The following PRRG1 variants were observed in gnomAD, a reference collection of about 807,000 sequenced individuals.
The protein encoded by PRRG1 is proline rich and Gla domain 1.
A neutral mutation model predicts 11.8 loss-of-function variants in PRRG1; 5 were observed. The ratio of observed to expected loss-of-function variants is 0.42; its 90% CI spans 0.22 to 0.89. The LOEUF (loss-of-function observed/expected upper bound fraction) is 0.89. PRRG1 is among the 40% of genes least tolerant of loss of function. The pLI, the probability that PRRG1 is intolerant of heterozygous loss-of-function variation, is 0.28. For synonymous variants in PRRG1, 66 were observed against 60.4 expected, an observed-to-expected ratio of 1.09 and a Z score of -0.43; for missense variants, 155 against 166.1, an observed-to-expected ratio of 0.93 and a Z score of 0.37.
intron 3 of PRRG1, among the ~76,000 whole-genome samples, chrX:37,427,220 T>G (rs1165345935): frequency 2.7e-5 from 3 of 112,244 alleles, no homozygotes; most frequent in African/African-American, 9.7e-5. Context: ...AAGAACTTGT[T>G]TGGGATTTAT....
At chrX:37,427,498 C>A (rs999877367) in intron 3 of PRRG1, among the ~76,000 whole-genome samples, 6 of 111,882 alleles carry the variant, frequency 5.4e-5, no homozygotes, top group Non-Finnish European at 1.1e-4. Context: ...ACCTTCTTAG[C>A]AAAATTTAAG....
chrX:37,406,712 T>G (rs1213702240), intron 2 of PRRG1, among the ~76,000 whole-genome samples: 1 of 111,232 alleles, frequency 9.0e-6, no homozygotes, highest in Non-Finnish European at 1.9e-5. Flanking sequence ...TTTTAAAAAT[T>G]TTAAAGCCCG....
chrX:37,423,915 A>G (rs1932730553), intron 2 of PRRG1, among the ~76,000 whole-genome samples: 1 of 110,843 alleles, frequency 9.0e-6, no homozygotes, highest in Non-Finnish European at 1.9e-5. Context: ...TATCTTTTCA[A>G]TGTTTAGATA....
intron 1 of PRRG1, among the ~76,000 whole-genome samples, chrX:37,350,630 A>G (rs1204872702): frequency 1.8e-5 from 2 of 111,994 alleles, no homozygotes; most frequent in African/African-American, 3.3e-5. Flanking sequence ...CTTTTATGAA[A>G]GATAGTATAT....
At chrX:37,404,142 A>C (rs376015050) in intron 1 of PRRG1, among the ~76,000 whole-genome samples, 2 of 112,149 alleles carry the variant, frequency 1.8e-5, no homozygotes, top group East Asian at 5.6e-4. Flanking sequence ...ATTAAAGAAT[A>C]AACAAAAAAT....
Position 37,440,830 on chromosome X carries a change from C to T in PRRG1, c.172-12306C>T, listed in dbSNP as rs1932962772. 4 of 511,809 alleles carry T rather than the reference C, an allele frequency of 7.8e-6. No homozygotes were observed. The East Asian group carries it at 1.4e-4, about 19-fold the overall frequency. The allele number at this position is 511,809 out of a possible 1,213,427, so 42.2% of individuals were successfully genotyped here. ...GCCAAGGCTGGAGTGCAGCTGTGAA[C>T]ATGGCTCATTGCAGCCTCAACTTCC... is the stretch of plus-strand genomic sequence containing the variant. On this transcript the variant is annotated intron_variant, in intron 3 of 3. Coordinates refer to ENST00000378628, the MANE Select transcript of PRRG1 (RefSeq NM_001142395.2).
intron 1 of PRRG1, among the ~76,000 whole-genome samples, chrX:37,376,780 G>A (rs1174923243): frequency 1.9e-5 from 2 of 105,714 alleles, no homozygotes; most frequent in Non-Finnish European, 3.9e-5. Context: ...CAGGGAGTAG[G>A]GGAGGGAGAC....
chrX:37,372,172 A>G (rs191118142), intron 1 of PRRG1, among the ~76,000 whole-genome samples: 5 of 112,543 alleles, frequency 4.4e-5, no homozygotes, highest in Admixed American at 1.9e-4. Flanking sequence ...TGCTGTTCTA[A>G]TAAGTGTGGG....
chrX:37,364,663 C>T (rs1307281863), intron 1 of PRRG1, among the ~76,000 whole-genome samples: 2 of 111,892 alleles, frequency 1.8e-5, no homozygotes, highest in African/African-American at 6.5e-5. Flanking sequence ...GATTCCTTTT[C>T]GTGTTACTTC....
chrX:37,354,636 G>A (rs1412245943), intron 1 of PRRG1, among the ~76,000 whole-genome samples: 4 of 109,806 alleles, frequency 3.6e-5, no homozygotes, highest in Non-Finnish European at 7.6e-5. Context: ...CTTGTGATCC[G>A]CCTGCCTCGG....
At chrX:37,452,041 T>A in intron 3 of PRRG1, among the ~76,000 whole-genome samples, 1 of 111,928 alleles carries the variant, frequency 8.9e-6, no homozygotes, top group Middle Eastern at 4.6e-3. Flanking sequence ...TTAAATAATA[T>A]GAAATGGCAG....
chrX:37,455,046 C>T lies in PRRG1; in HGVS notation c.*1425C>T, dbSNP rs1435166399. On this transcript the variant is annotated 3_prime_UTR_variant, in exon 4 of 4. Coordinates refer to ENST00000378628, the MANE Select transcript of PRRG1 (RefSeq NM_001142395.2). ...AGGCAGGCAGAAGGAATGTAGGTTT[C>T]AGGTGTGTCATTTCCTGCTGCTTCC... The T allele has an allele frequency of 9.0e-6, 1 of 111,607 alleles. No homozygotes were observed. Among genetic ancestry groups the T allele is most frequent in the Non-Finnish European group, 1.9e-5 (1 of 53,101 alleles). The allele number at this position is 111,607 out of a possible 1,213,427, so 9.2% of individuals were successfully genotyped here. A position where few individuals can be genotyped will look rare whatever the true frequency, so the allele number is the denominator to read the frequency against.
intron 1 of PRRG1, 186 bp downstream of exon 1, chrX:37,349,581 C>A (rs1379832489): frequency 8.9e-6 from 1 of 111,807 alleles, no homozygotes; most frequent in East Asian, 2.8e-4. Context: ...GAGCGGAGTG[C>A]GTGGTAGCGG....
intron 1 of PRRG1, among the ~76,000 whole-genome samples, chrX:37,390,078 C>T (rs1159828213): frequency 1.8e-5 from 2 of 111,669 alleles, no homozygotes; most frequent in African/African-American, 3.3e-5. Flanking sequence ...AAGATGACAG[C>T]AGATTTAGTG....
intron 1 of PRRG1, among the ~76,000 whole-genome samples, chrX:37,384,298 G>A (rs782354540): frequency 1.3e-4 from 14 of 111,396 alleles, no homozygotes; most frequent in Non-Finnish European, 2.5e-4. Flanking sequence ...AAGACTTTCT[G>A]GACAGTGGCT....
At chrX:37,392,683 A>C (rs1428240194) in intron 1 of PRRG1, among the ~76,000 whole-genome samples, 5 of 109,265 alleles carry the variant, frequency 4.6e-5, no homozygotes, top group Non-Finnish European at 9.5e-5. Flanking sequence ...AAAGAAAGAA[A>C]GAAAACTAGT....
intron 1 of PRRG1, among the ~76,000 whole-genome samples, chrX:37,389,264 C>G (rs1931443639): frequency 8.9e-6 from 1 of 111,965 alleles, no homozygotes; most frequent in African/African-American, 3.2e-5. Context: ...CACTCTTCCA[C>G]CTCTGCCCAT....
At chrX:37,450,975 C>T (rs781870447) in intron 3 of PRRG1, among the ~76,000 whole-genome samples, 1 of 97,217 alleles carries the variant, frequency 1.0e-5, no homozygotes, top group Non-Finnish European at 2.0e-5. Context: ...ACAAGTGATT[C>T]GTTTTCATTT....
chrX:37,349,960 A>G (rs1035598802), intron 1 of PRRG1, among the ~76,000 whole-genome samples: 2 of 107,151 alleles, frequency 1.9e-5, no homozygotes, highest in Non-Finnish European at 3.9e-5. Context: ...CATTTTAACA[A>G]AGGCTATGAC....
Sources: allele counts gnomAD v4.1 joint callset (sites outside exome capture counted in the v4.1 genomes callset), GRCh38; gene constraint gnomAD v4.1.1; transcripts MANE v1.5; gene names NCBI Gene and HGNC (gene_info 2026-07-23, HGNC 2026-07-21).